Variants in PDE4D observed in about 807,000 individuals in gnomAD.
PDE4D encodes the protein phosphodiesterase 4D, also known as 3',5'-cyclic-AMP phosphodiesterase 4D.
In PDE4D, 24 loss-of-function variants were observed where a neutral mutation model predicts 87.4. The observed-to-expected ratio is 0.27, with a 90% confidence interval of 0.20 to 0.39. The LOEUF is 0.39. Ranked by LOEUF, PDE4D falls within the 10% of genes least tolerant of loss-of-function variation. PDE4D has a pLI of 1.00. For missense variants in PDE4D, 714 were observed against 1,041.0 expected (o/e 0.69, Z 4.32); for synonymous variants, 384 against 383.2 (o/e 1.00, Z -0.02).
intron 1 of PDE4D, among the ~76,000 whole-genome samples, chr5:60,361,911 T>TA (rs749177276): frequency 2.8e-4 from 42 of 152,126 alleles, no homozygotes; most frequent in East Asian, 5.8e-4. Context: ...CTAAAACTTG[T>TA]AAAAAAATAA....
chr5:59,248,958 T>C (rs1759400155), intron 1 of PDE4D, among the ~76,000 whole-genome samples: 1 of 151,916 alleles, frequency 6.6e-6, no homozygotes. Flanking sequence ...CCTCAAATTA[T>C]TAAAGCAAAG....
chr5:60,329,623 G>T (rs1757140299), intron 1 of PDE4D, among the ~76,000 whole-genome samples: 1 of 152,110 alleles, frequency 6.6e-6, no homozygotes, highest in Middle Eastern at 3.2e-3. Context: ...CTATTAAATG[G>T]TTTTCTATGT....
chr5:59,733,231 G>T (rs181598712), intron 1 of PDE4D, among the ~76,000 whole-genome samples: 193 of 152,184 alleles, frequency 1.3e-3, no homozygotes, highest in Admixed American at 3.0e-3. Flanking sequence ...TAAAAAGAGA[G>T]AATTTCAAGT....
At chr5:59,138,138 A>C (rs765731177) in intron 5 of PDE4D, among the ~76,000 whole-genome samples, 60 of 152,344 alleles carry the variant, frequency 3.9e-4, no homozygotes, top group Admixed American at 7.8e-4. Context: ...GAAATTGGGC[A>C]AAGTTTCAGA....
At chr5:60,238,610 T>C (rs1746698648) in intron 1 of PDE4D, among the ~76,000 whole-genome samples, 1 of 152,032 alleles carries the variant, frequency 6.6e-6, no homozygotes, top group African/African-American at 2.4e-5. Flanking sequence ...TGATTACTAG[T>C]GAGCTAAAGC....
At chr5:59,464,162 C>T (rs1188108113) in intron 1 of PDE4D, among the ~76,000 whole-genome samples, 2 of 152,222 alleles carry the variant, frequency 1.3e-5, no homozygotes. Context: ...AATATGGCCT[C>T]GTGGGAAGGG....
intron 1 of PDE4D, among the ~76,000 whole-genome samples, chr5:60,442,390 T>G (rs1745301098): frequency 6.6e-6 from 1 of 151,050 alleles, no homozygotes; most frequent in East Asian, 2.0e-4. Context: ...AGTTGAACGA[T>G]GAGAACACAT....
At chr5:60,282,535 A>G (rs568353028) in intron 1 of PDE4D, among the ~76,000 whole-genome samples, 2 of 152,172 alleles carry the variant, frequency 1.3e-5, no homozygotes, top group South Asian at 4.1e-4. Context: ...TTGATTTCAA[A>G]TGAAACAAAT....
chr5:59,717,568 T>TAA (rs981138048), intron 1 of PDE4D, among the ~76,000 whole-genome samples: 4 of 152,242 alleles, frequency 2.6e-5, no homozygotes, highest in Admixed American at 1.3e-4. Context: ...AACATTTAAA[T>TAA]AAAATAGTTA....
At chr5:59,317,291 A>C (rs1773930346) in intron 1 of PDE4D, among the ~76,000 whole-genome samples, 1 of 152,156 alleles carries the variant, frequency 6.6e-6, no homozygotes, top group Non-Finnish European at 1.5e-5. Context: ...CATTCATAGT[A>C]CACACTAGGG....
At position 59,250,940 on chromosome 5, in the gene PDE4D, T is replaced by C. The variant is rs192916687; in HGVS notation, c.456-34972A>G. ...AAAGCAATGGAGAAAACACTCCCTATTCAATAAATGGTGCTGGGATAACTG... is the reference window on the plus strand; with the variant it reads ...AAAGCAATGGAGAAAACACTCCCTACTCAATAAATGGTGCTGGGATAACTG... On this transcript the variant is annotated intron_variant, in intron 1 of 14. Transcript: ENST00000340635. Among the ~76,000 whole-genome samples the C allele has an allele frequency of 2.0e-5, 3 of 152,268 alleles. No homozygotes were observed. The East Asian group carries it at 5.8e-4, about 29-fold the overall frequency.
intron 1 of PDE4D, among the ~76,000 whole-genome samples, chr5:60,203,677 C>T (rs937224613): frequency 1.3e-5 from 2 of 151,968 alleles, no homozygotes; most frequent in African/African-American, 4.8e-5. Flanking sequence ...GCTAAAGATC[C>T]AAAAAAGTTG....
At chr5:59,122,085 T>C (rs938369749) in intron 5 of PDE4D, among the ~76,000 whole-genome samples, 2 of 134,074 alleles carry the variant, frequency 1.5e-5, no homozygotes, top group African/African-American at 5.7e-5. Flanking sequence ...GAGGTTGCAG[T>C]GAGCTGAGAT....
In PDE4D at chr5:59,949,434, C is replaced by CAAAAAA. The variant is rs59654913; in HGVS notation, c.272+39048_272+39053dup. ...GGCGACAAAGCAAGACTCCGTCTCA[C>CAAAAAA]AAAAAAAAAAAAAAAAAAAAAGAAT... is the stretch of plus-strand genomic sequence containing the variant. On this transcript the variant is annotated intron_variant, in intron 3 of 16. Transcript: ENST00000502484. 9.4e-4 allele frequency among the ~76,000 whole-genome samples: 54 copies of CAAAAAA among 57,588 alleles called. 2 individuals carry two copies. Among genetic ancestry groups the CAAAAAA allele is most frequent in the African/African-American group, 3.2e-3 (52 of 16,502 alleles). The allele number at this position is 57,588 out of a possible 152,430, so 37.8% of individuals were successfully genotyped here. A position where few individuals can be genotyped will look rare whatever the true frequency, so the allele number is the denominator to read the frequency against.
chr5:59,646,112 C>T (rs951564272), intron 1 of PDE4D, among the ~76,000 whole-genome samples: 3 of 152,094 alleles, frequency 2.0e-5, no homozygotes, highest in Admixed American at 2.0e-4. Context: ...TAGAATTTGT[C>T]AGCTTTATTA....
chr5:59,303,886 T>A (rs1345830825), intron 1 of PDE4D, among the ~76,000 whole-genome samples: 2 of 152,156 alleles, frequency 1.3e-5, no homozygotes, highest in Non-Finnish European at 2.9e-5. Flanking sequence ...CTTTTTTGGT[T>A]CCATCTGAGT....
At chr5:60,050,099 A>G (rs1462260399) in intron 2 of PDE4D, among the ~76,000 whole-genome samples, 1 of 152,212 alleles carries the variant, frequency 6.6e-6, no homozygotes, top group Admixed American at 6.5e-5. Context: ...AGAAAAGCGC[A>G]GTATTCAGGT....
At chr5:59,268,455 C>T (rs1763229060) in intron 1 of PDE4D, among the ~76,000 whole-genome samples, 1 of 152,042 alleles carries the variant, frequency 6.6e-6, no homozygotes, top group Admixed American at 6.6e-5. Flanking sequence ...AACAGTGTCT[C>T]ACCCAGGCTT....
intron 1 of PDE4D, among the ~76,000 whole-genome samples, chr5:59,874,998 C>T (rs989288678): frequency 1.3e-5 from 2 of 152,148 alleles, no homozygotes; most frequent in Non-Finnish European, 2.9e-5. Flanking sequence ...CCAGGCAATG[C>T]AGAAAAATCC....
Sources: gnomAD v4.1 joint callset for allele counts (sites outside exome capture counted in the v4.1 genomes callset) on GRCh38, gnomAD v4.1.1 for gene constraint, MANE v1.5 for transcripts, NCBI Gene and HGNC (gene_info 2026-07-23, HGNC 2026-07-21) for gene names.